The following NUP210 variants were observed in gnomAD, a reference collection of about 807,000 sequenced individuals.
NUP210 encodes the protein nuclear pore membrane glycoprotein 210.
In NUP210, 151 loss-of-function variants were observed where a neutral mutation model predicts 196.0. The ratio of observed to expected loss-of-function variants is 0.77; its 90% confidence interval spans 0.67 to 0.88. The LOEUF is 0.88. NUP210 is among the 40% of genes least tolerant of loss of function. NUP210 has a pLI of 0.00. For synonymous variants in NUP210, 1,070 were observed against 1,052.7 expected, an observed-to-expected ratio of 1.02 and a Z score of -0.32; for missense variants, 2,314 against 2,493.7, an observed-to-expected ratio of 0.93 and a Z score of 1.53.
chr3:13,330,496 G>A lies in NUP210; in HGVS notation c.4074C>T (p.Pro1358=), dbSNP rs1486848021. The change falls in exon 30 of 40, where the codon CCC becomes CCT. Residue 1358 remains proline (P), a synonymous_variant. Coordinates refer to ENST00000254508, the MANE Select transcript of NUP210 (RefSeq NM_024923.4). ...TSTIEVIAQE[P]FGANQTIIVA... ...CAATGATGGTTTGGTTGGCCCCAAA[G>A]GGCTCTTGTGCAATCACTTCGATGG... 2 of 1,614,144 alleles carry A rather than the reference G, an allele frequency of 1.2e-6. No homozygotes were observed. Among genetic ancestry groups the A allele is most frequent in the Non-Finnish European group, 8.5e-7 (1 of 1,180,010 alleles).
At chr3:13,391,431 G>A in intron 3 of NUP210, 124 bp from the exon 4 acceptor site, 1 of 672,366 alleles carries the variant, frequency 1.5e-6, no homozygotes, top group Middle Eastern at 2.4e-4. Flanking sequence ...CCAGGCAGGT[G>A]TCATAAACTG....
chr3:13,373,650 G>T lies in NUP210; in HGVS notation c.1587+68C>A. On this transcript the variant is annotated intron_variant, in intron 12 of 39. Transcript: ENST00000254508. ...GTGTTTCTGAGTGAAGTCGAGGCTTGCTCAGAGGGGGCGGCTGGAGACCAC... is the reference window on the plus strand; with the variant it reads ...GTGTTTCTGAGTGAAGTCGAGGCTTTCTCAGAGGGGGCGGCTGGAGACCAC... 4 of 1,543,966 alleles carry T rather than the reference G, an allele frequency of 2.6e-6. No individual in the cohort carries two copies. In the Admixed American group the frequency reaches 5.0e-5, roughly 19 times the overall value.
In NUP210 at chr3:13,344,886, G is replaced by A. The variant is rs1697660595; in HGVS notation, c.2836-1583C>T. 5.1e-6 allele frequency: 5 copies of A among 973,782 alleles called. No homozygotes were observed. In the Admixed American group the frequency reaches 2.5e-4, roughly 48 times the overall value. 60.3% of individuals were successfully genotyped at this position (973,782 alleles called of 1,614,324 possible). ...CTGCTGGCTCCAAGTCATCCTCCAG[G>A]CCCAGGTCCAGCGTCCTTCCTCAGA... On this transcript the variant is annotated intron_variant, in intron 20 of 39. Transcript: ENST00000254508.
chr3:13,376,502 A>T (rs1698914585), intron 9 of NUP210, 71 bp from the exon 10 acceptor site: 2 of 1,582,888 alleles, frequency 1.3e-6, no homozygotes, highest in African/African-American at 2.7e-5. Flanking sequence ...TTGGGCACGA[A>T]GCTACAGGAC....
At position 13,355,703 on chromosome 3, in the gene NUP210, G is replaced by C. The variant is rs556786050; in HGVS notation, c.2329-1596C>G. On this transcript the variant is annotated intron_variant, in intron 16 of 39. Transcript: ENST00000254508. ...CTTAATCCACACCCTGCTCTGAGTA[G>C]GCCAGCACCATCAGCAGGCATGCAA... Among the ~76,000 whole-genome samples, 6 of 152,294 alleles carry C rather than the reference G, an allele frequency of 3.9e-5. No homozygotes were observed. The East Asian group carries it at 1.2e-3, about 29-fold the overall frequency.
intron 6 of NUP210, among the ~76,000 whole-genome samples, chr3:13,382,346 G>A (rs1294836461): frequency 1.3e-5 from 2 of 152,168 alleles, no homozygotes; most frequent in African/African-American, 4.8e-5. Flanking sequence ...CCTGCTATAA[G>A]CCTCAGGAGC....
At chr3:13,353,882 C>T (rs370060868) in intron 17 of NUP210, 33 bp downstream of exon 17, 37 of 1,580,226 alleles carry the variant, frequency 2.3e-5, no homozygotes, top group East Asian at 1.4e-4. Flanking sequence ...CTCTGTTCTC[C>T]TGCCTGGGCC....
chr3:13,317,867 T>A, intron 39 of NUP210, 86 bp from the exon 40 acceptor site: 1 of 945,758 alleles, frequency 1.1e-6, no homozygotes, highest in East Asian at 2.6e-5. Context: ...AGCAGGCGCC[T>A]GCCTCACCCA....
intron 2 of NUP210, 65 bp from the exon 3 acceptor site, chr3:13,397,553 C>T: frequency 2.0e-6 from 3 of 1,490,698 alleles, no homozygotes; most frequent in South Asian, 1.4e-5. Context: ...CACTTCCAAG[C>T]CTTGCAGGCT....
At chr3:13,331,982 TG>T (rs1485875587) in intron 29 of NUP210, among the ~76,000 whole-genome samples, 1 of 152,082 alleles carries the variant, frequency 6.6e-6, no homozygotes, top group African/African-American at 2.4e-5. Context: ...ACACTCTGAG[TG>T]GCAAGTCTTG....
chr3:13,405,545 G>A (rs1449120466), intron 1 of NUP210, among the ~76,000 whole-genome samples: 1 of 151,998 alleles, frequency 6.6e-6, no homozygotes, highest in African/African-American at 2.4e-5. Context: ...ATAGCCTATT[G>A]AATATATGCA....
chr3:13,348,849 TGAAG>T lies in NUP210; in HGVS notation c.2835+3026_2835+3029del. The T allele has an allele frequency of 1.0e-6, 1 of 985,312 alleles. No individual in the cohort carries two copies. The highest frequency in any genetic ancestry group is 1.2e-6 in the Non-Finnish European group (1 of 829,904). The allele number at this position is 985,312 out of a possible 1,614,324, so 61.0% of individuals were successfully genotyped here. ...ACAGCTGGAGACCAACATCAAACGC[TGAAG>T]GAAGGTTTTCGAAAACACCCCAAAC... On this transcript the variant is annotated intron_variant, in intron 20 of 39. Transcript: ENST00000254508. This position sits in a 1 kb window ranked among gnomAD's most constrained non-coding sequence, Gnocchi z 4.0.
intron 25 of NUP210, 113 bp from the exon 26 acceptor site, chr3:13,338,030 C>T (rs963998602): frequency 1.2e-5 from 11 of 949,792 alleles, no homozygotes; most frequent in Non-Finnish European, 1.6e-5. Context: ...GGCGAGAAGG[C>T]CCCTCAGGAT....
At chr3:13,324,889 G>A (rs1276995293) in intron 33 of NUP210, among the ~76,000 whole-genome samples, 3 of 152,216 alleles carry the variant, frequency 2.0e-5, no homozygotes, top group Non-Finnish European at 4.4e-5. Context: ...AGGGGCTTCT[G>A]ACGTGCTAAC....
At position 13,400,082 on chromosome 3, in the gene NUP210, C is replaced by G. The variant is rs565725704; in HGVS notation, c.168-221G>C. On this transcript the variant is annotated intron_variant, in intron 1 of 39. Transcript: ENST00000254508. ...ACAAGCTGAGGGCTCCAGGCCTGTG[C>G]ACACAGTTCCCATGGAGCAAATCAA... Among the ~76,000 whole-genome samples the G allele has an allele frequency of 5.9e-5, 9 of 152,296 alleles. No homozygotes were observed. In the East Asian group the frequency reaches 1.7e-3, roughly 29 times the overall value.
Position 13,337,879 on chromosome 3 carries a change from C to G in NUP210, c.3510G>C (p.Val1170=), listed in dbSNP as rs1243164078. 1 of 1,612,966 alleles carries G rather than the reference C, an allele frequency of 6.2e-7. No homozygotes were observed. Residue 1170 remains valine, a synonymous_variant, in exon 26 of 40, where the codon GTG becomes GTC. Coordinates refer to ENST00000254508, the MANE Select transcript of NUP210 (RefSeq NM_024923.4). ...TCCGCATGATGGGGGCGCGGATCCT[C>G]ACGGCCCTTAGCAGCAGCACCTCCA... ...VQVEVLLLRA[V]RIRAPIMRMR...
Position 13,377,441 on chromosome 3 carries a change from T to C in NUP210, c.1152+15A>G, listed in dbSNP as rs775654394. Reference sequence around the variant, plus strand: ...CCACCTCATCCCCCCAGCCAGGACCTGAACAGGCACTCACGTCAGATACAT... The same window carrying C: ...CCACCTCATCCCCCCAGCCAGGACCCGAACAGGCACTCACGTCAGATACAT... On this transcript the variant is annotated intron_variant, in intron 9 of 39. Transcript: ENST00000254508. 3 of 1,586,630 alleles carry C rather than the reference T, an allele frequency of 1.9e-6. No individual in the cohort carries two copies. The East Asian group carries it at 6.7e-5, about 36-fold the overall frequency.
Position 13,347,039 on chromosome 3 carries a change from G to T in NUP210, c.2836-3736C>A. 1.0e-6 allele frequency: 1 copy of T among 985,386 alleles called. No individual in the cohort carries two copies. The highest frequency in any genetic ancestry group is 1.2e-6 in the Non-Finnish European group (1 of 829,910). The allele number at this position is 985,386 out of a possible 1,614,324, so 61.0% of individuals were successfully genotyped here. On this transcript the variant is annotated intron_variant, in intron 20 of 39. Coordinates refer to ENST00000254508, the MANE Select transcript of NUP210 (RefSeq NM_024923.4). The surrounding 1 kb of genome is among the most constrained non-coding windows in gnomAD (Gnocchi z 4.7). ...GAAAAGGTGGATGCACCTGACTTCA[G>T]GCCCTGCAATTGCCACCCACTCCCC...
At chr3:13,336,434 G>A (rs1371426810) in intron 27 of NUP210, among the ~76,000 whole-genome samples, 3 of 152,174 alleles carry the variant, frequency 2.0e-5, no homozygotes, top group African/African-American at 7.2e-5. Context: ...CCCTCGCTGG[G>A]CTAAGGGAAG....
Sources: gnomAD v4.1 joint callset for allele counts (sites outside exome capture counted in the v4.1 genomes callset) on GRCh38, gnomAD v4.1.1 for gene constraint, Gnocchi (gnomAD v3.1) non-coding constraint, MANE v1.5 for transcripts, NCBI Gene and HGNC (gene_info 2026-07-23, HGNC 2026-07-21) for gene names.